Variants in PDE1C observed in about 807,000 individuals in gnomAD.
The protein encoded by PDE1C is phosphodiesterase 1C, also known as dual specificity calcium/calmodulin-dependent 3',5'-cyclic nucleotide phosphodiesterase 1C.
PDE1C carries 62 observed loss-of-function variants against 93.1 expected under a neutral mutation model. That is an observed-to-expected ratio of 0.67 (90% CI 0.54 to 0.82). PDE1C has a LOEUF of 0.82. Among genes scored for constraint, PDE1C ranks in the 40% least tolerant of loss-of-function variants. The probability of loss-of-function intolerance (pLI) is 0.00; values close to 1 mark genes in which losing one functional copy is unlikely to be tolerated. For missense variants in PDE1C, 742 were observed against 884.6 expected, an observed-to-expected ratio of 0.84 and a Z score of 2.04; for synonymous variants, 325 against 310.1, an observed-to-expected ratio of 1.05 and a Z score of -0.50.
intron 1 of PDE1C, among the ~76,000 whole-genome samples, chr7:32,397,420 A>G (rs893397605): frequency 4.6e-5 from 7 of 152,154 alleles, no homozygotes; most frequent in Admixed American, 3.9e-4. Context: ...GAAGCTTGAC[A>G]ACATATTGTC....
At chr7:31,911,712 A>G (rs1801271329) in intron 2 of PDE1C, among the ~76,000 whole-genome samples, 1 of 152,176 alleles carries the variant, frequency 6.6e-6, no homozygotes, top group Non-Finnish European at 1.5e-5. Context: ...CCACCATCCT[A>G]TGAGCCAGAT....
intron 1 of PDE1C, among the ~76,000 whole-genome samples, chr7:32,423,521 A>T (rs1785473484): frequency 6.6e-6 from 1 of 152,248 alleles, no homozygotes; most frequent in Non-Finnish European, 1.5e-5. Context: ...TGGTAATAGA[A>T]TCACCTGGGA....
At chr7:32,016,033 ACACCCAGAAGTTAC>A (rs1787859504) in intron 2 of PDE1C, among the ~76,000 whole-genome samples, 1 of 152,196 alleles carries the variant, frequency 6.6e-6, no homozygotes, top group Admixed American at 6.5e-5. Flanking sequence ...TGTTATGGCA[ACACCCAGAAGTTAC>A]CACCCTTTCT....
chr7:31,697,253 C>T, the PDE1C span: 2 of 1,078,270 alleles, frequency 1.9e-6, no homozygotes, highest in South Asian at 3.4e-5. Context: ...TGGGGAGAAG[C>T]CACACTCAGT....
chr7:32,008,978 T>G (rs1193018979), intron 2 of PDE1C, among the ~76,000 whole-genome samples: 3 of 152,088 alleles, frequency 2.0e-5, no homozygotes, highest in Admixed American at 6.6e-5. Flanking sequence ...TAATGATGAC[T>G]AGACTCTTAA....
chr7:32,052,349 T>G (rs748165483), intron 1 of PDE1C: 3 of 475,566 alleles, frequency 6.3e-6, no homozygotes, highest in South Asian at 4.5e-5. Context: ...ACATCTGCTC[T>G]GACCATCTCA....
downstream of PDE1C, among the ~76,000 whole-genome samples, chr7:31,746,773 A>AT (rs200620532): frequency 3.7e-4 from 56 of 151,688 alleles, no homozygotes; most frequent in African/African-American, 4.8e-4. Flanking sequence ...AAATTAGGGA[A>AT]TTTTTTTTTC....
chr7:31,838,108 T>C (rs1165887451), intron 9 of PDE1C, 137 bp from the exon 10 acceptor site: 2 of 646,150 alleles, frequency 3.1e-6, no homozygotes, highest in Non-Finnish European at 5.5e-6. Context: ...GTCTTTAAGG[T>C]GAGCTTTTCA....
chr7:32,169,147 G>A (rs547615116), intron 3 of PDE1C, among the ~76,000 whole-genome samples: 9 of 152,174 alleles, frequency 5.9e-5, no homozygotes, highest in African/African-American at 1.7e-4. Flanking sequence ...AAAAAATCAC[G>A]TTTTTACACC....
the PDE1C span, among the ~76,000 whole-genome samples, chr7:31,677,495 A>G: frequency 6.6e-6 from 1 of 152,226 alleles, no homozygotes; most frequent in Non-Finnish European, 1.5e-5. Context: ...GTTGAACATT[A>G]GAAAGTCTTT....
rs973596981 is a variant in PDE1C, at chr7:31,753,286, G to C, written c.*98C>G. On this transcript the variant is annotated 3_prime_UTR_variant, in exon 18 of 18. Coordinates refer to ENST00000396191, the MANE Select transcript of PDE1C (RefSeq NM_001191057.4). ...AACCAGGATAGTACCTGCTCCAACA[G>C]CCTCCAAGGGTCTTGGAGGTGTGTC... is the stretch of plus-strand genomic sequence containing the variant. 1 of 1,400,600 alleles carries C rather than the reference G, an allele frequency of 7.1e-7. No homozygotes were observed. The highest frequency in any genetic ancestry group is 1.4e-5 in the African/African-American group (1 of 69,530). The allele number at this position is 1,400,600 out of a possible 1,614,324, so 86.8% of individuals were successfully genotyped here. A position where few individuals can be genotyped will look rare whatever the true frequency, so the allele number is the denominator to read the frequency against.
At chr7:31,697,086 A>T in the PDE1C span, 11 of 1,614,082 alleles carry the variant, frequency 6.8e-6, no homozygotes, top group Non-Finnish European at 9.3e-6. Context: ...GAAAAGACAC[A>T]CCTGCCCTGC....
intron 2 of PDE1C, among the ~76,000 whole-genome samples, chr7:32,007,275 A>G (rs1296805372): frequency 1.3e-5 from 2 of 152,156 alleles, no homozygotes; most frequent in African/African-American, 4.8e-5. Flanking sequence ...AATAAGCTGG[A>G]CCCTCAAAAA....
intron 17 of PDE1C, among the ~76,000 whole-genome samples, chr7:31,775,274 G>C (rs1451478379): frequency 6.6e-6 from 1 of 152,162 alleles, no homozygotes; most frequent in Non-Finnish European, 1.5e-5. Context: ...AGCTGAAGAA[G>C]CACATGTGAG....
At chr7:31,776,624 GTATAAA>G (rs1395957031) in intron 16 of PDE1C, among the ~76,000 whole-genome samples, 4 of 151,902 alleles carry the variant, frequency 2.6e-5, no homozygotes, top group Non-Finnish European at 5.9e-5. Flanking sequence ...ATATATTTAC[GTATAAA>G]TATATACACA....
At chr7:32,196,132 A>G (rs2128825959) in intron 2 of PDE1C, among the ~76,000 whole-genome samples, 1 of 152,242 alleles carries the variant, frequency 6.6e-6, no homozygotes, top group East Asian at 1.9e-4. Context: ...GATTTAGATG[A>G]AAGGGCCAGC....
intron 2 of PDE1C, among the ~76,000 whole-genome samples, chr7:32,186,093 T>TG (rs1803838293): frequency 9.5e-5 from 3 of 31,654 alleles, no homozygotes; most frequent in African/African-American, 3.2e-4. Context: ...TTTTGTTTTT[T>TG]TTTTTTTTTT....
At chr7:31,704,676 T>C in the PDE1C span, among the ~76,000 whole-genome samples, 1,007 of 152,314 alleles carry the variant, frequency 6.6e-3, 9 homozygotes, top group African/African-American at 0.023. Context: ...CTAAGTCTAT[T>C]TGGGGACATC....
the PDE1C span, among the ~76,000 whole-genome samples, chr7:31,708,888 G>A: frequency 6.6e-5 from 10 of 152,154 alleles, no homozygotes; most frequent in Non-Finnish European, 5.9e-5. Context: ...AGCACTCCAT[G>A]CTCTGCTCCC....
Sources: allele counts gnomAD v4.1 joint callset (sites outside exome capture counted in the v4.1 genomes callset), GRCh38; gene constraint gnomAD v4.1.1; transcripts MANE v1.5; gene names NCBI Gene and HGNC (gene_info 2026-07-23, HGNC 2026-07-21).